THSD4: variants seen among roughly 807,000 people sequenced by gnomAD.
THSD4 encodes the protein thrombospondin type 1 domain containing 4.
THSD4 carries 69 observed loss-of-function variants against 119.0 expected under a neutral mutation model. The observed-to-expected ratio is 0.58, with a 90% confidence interval of 0.48 to 0.71. The LOEUF (loss-of-function observed/expected upper bound fraction) is 0.71, where lower values mean the gene tolerates loss of function less well. Ranked by LOEUF, THSD4 falls within the 30% of genes least tolerant of loss-of-function variation. THSD4 has a pLI of 0.00. For synonymous variants in THSD4, 524 were observed against 540.4 expected, an observed-to-expected ratio of 0.97 and a Z score of 0.42; for missense variants, 1,393 against 1,391.1, an observed-to-expected ratio of 1.00 and a Z score of -0.02.
intron 3 of THSD4, among the ~76,000 whole-genome samples, chr15:71,204,243 C>T (rs1354243898): frequency 2.6e-5 from 4 of 152,166 alleles, no homozygotes; most frequent in Non-Finnish European, 4.4e-5. Context: ...ATGAAAGAGT[C>T]AGGTCAATTT....
chr15:71,199,096 A>C (rs1269612139), intron 3 of THSD4, among the ~76,000 whole-genome samples: 2 of 152,036 alleles, frequency 1.3e-5, no homozygotes, highest in Non-Finnish European at 2.9e-5. Context: ...GCCTCCCTGG[A>C]CTCTGCATGG....
At chr15:71,567,035 T>G (rs1301188227) in intron 7 of THSD4, among the ~76,000 whole-genome samples, 1 of 152,132 alleles carries the variant, frequency 6.6e-6, no homozygotes, top group African/African-American at 2.4e-5. Context: ...GATAGAGTAA[T>G]TGGCCCAACT....
In THSD4 at chr15:71,368,958, T is replaced by C. The variant is rs531772652; in HGVS notation, c.1016-42729T>C. Among the ~76,000 whole-genome samples the C allele has an allele frequency of 5.8e-3, 876 of 152,258 alleles. 6 individuals carry two copies. Among genetic ancestry groups the C allele is most frequent in the African/African-American group, 0.01 (432 of 41,566 alleles). The stretch of plus-strand genomic sequence containing the variant: ...CATTTGTTTGTGTCCTCTTTTATTT[T>C]GTTGAGCAGTGGTTTGTAGTTCTCC... On this transcript the variant is annotated intron_variant, in intron 6 of 17. Coordinates refer to ENST00000261862, the MANE Select transcript of THSD4 (RefSeq NM_024817.3).
chr15:71,425,966 T>C (rs1475537285), intron 7 of THSD4, among the ~76,000 whole-genome samples: 1 of 152,204 alleles, frequency 6.6e-6, no homozygotes, highest in Admixed American at 6.5e-5. Context: ...TTGCTTACTC[T>C]GAATTTCTCG....
intron 7 of THSD4, among the ~76,000 whole-genome samples, chr15:71,531,769 CT>C (rs530873144): frequency 9.4e-4 from 143 of 152,338 alleles, no homozygotes; most frequent in African/African-American, 3.3e-3. Flanking sequence ...TCAGTTATCA[CT>C]TAATTAGCTC....
intron 6 of THSD4, among the ~76,000 whole-genome samples, chr15:71,259,929 G>A (rs544178592): frequency 9.8e-5 from 15 of 152,286 alleles, no homozygotes; most frequent in African/African-American, 3.6e-4. Flanking sequence ...GGCTGGCTGT[G>A]GATAATAGCT....
chr15:71,195,745 G>T (rs534585252), intron 3 of THSD4, among the ~76,000 whole-genome samples: 4 of 152,158 alleles, frequency 2.6e-5, no homozygotes, highest in Non-Finnish European at 5.9e-5. Context: ...GGTGGATGGG[G>T]TTGGGGGAAA....
rs1250616649 is a variant in THSD4 at position 71,731,546 on chromosome 15, AC to A, written c.1630+330del. 35 of 281,222 alleles carry A rather than the reference AC, an allele frequency of 1.2e-4. No individual in the cohort carries two copies. The East Asian group carries it at 2.5e-3, about 20-fold the overall frequency. 17.4% of individuals were successfully genotyped at this position (281,222 alleles called of 1,614,324 possible). Reference sequence around the variant, plus strand: ...GTAATCCTAGCACTCTGGGAGGCCGACGCAGGTGGATCGCTTGGGCCCAGAG... The same window carrying A: ...GTAATCCTAGCACTCTGGGAGGCCGAGCAGGTGGATCGCTTGGGCCCAGAG... On this transcript the variant is annotated intron_variant, in intron 10 of 17. Transcript: ENST00000261862.
chr15:71,362,831 T>A (rs554768154), intron 6 of THSD4, among the ~76,000 whole-genome samples: 1 of 152,258 alleles, frequency 6.6e-6, no homozygotes, highest in African/African-American at 2.4e-5. Flanking sequence ...TTTATATTCT[T>A]CTCTATGTAT....
chr15:71,532,738 CA>C (rs2048633735), intron 7 of THSD4, among the ~76,000 whole-genome samples: 1 of 152,146 alleles, frequency 6.6e-6, no homozygotes, highest in Admixed American at 6.5e-5. Context: ...CATGCAAAGC[CA>C]TTTTCTTTCT....
intron 7 of THSD4, among the ~76,000 whole-genome samples, chr15:71,489,076 C>A (rs538972042): frequency 6.6e-6 from 1 of 152,242 alleles, no homozygotes; most frequent in Admixed American, 6.5e-5. Flanking sequence ...GGTACGTCTT[C>A]TAGAAATTTC....
chr15:71,258,779 C>T (rs1816593419), intron 6 of THSD4, among the ~76,000 whole-genome samples: 1 of 152,070 alleles, frequency 6.6e-6, no homozygotes, highest in Admixed American at 6.5e-5. Flanking sequence ...GAAATAGAGT[C>T]ATTGCAGATG....
Position 71,747,063 on chromosome 15 carries a change from G to A in THSD4, c.2241+21G>A, listed in dbSNP as rs374374339. 17 of 1,575,880 alleles carry A rather than the reference G, an allele frequency of 1.1e-5. No homozygotes were observed. In the South Asian group the frequency reaches 1.1e-4, roughly 11 times the overall value. On this transcript the variant is annotated intron_variant, in intron 13 of 17. Coordinates refer to ENST00000261862, the MANE Select transcript of THSD4 (RefSeq NM_024817.3). ...CCTCGGTACGCAGGCAGGGCAGCCC[G>A]CTCTGCAGCTCCCTCTCCAGCTCCC...
At chr15:71,312,377 G>A (rs2045123296) in intron 6 of THSD4, among the ~76,000 whole-genome samples, 2 of 152,012 alleles carry the variant, frequency 1.3e-5, no homozygotes, top group African/African-American at 4.8e-5. Context: ...GAGTTAAAAT[G>A]AGGCTGCCAG....
chr15:71,312,852 T>A (rs2045131512), intron 6 of THSD4, among the ~76,000 whole-genome samples: 1 of 152,100 alleles, frequency 6.6e-6, no homozygotes, highest in South Asian at 2.1e-4. Context: ...TTCAGGCCTC[T>A]CTTCTGATTG....
chr15:71,328,201 C>A (rs1321055153), intron 6 of THSD4, among the ~76,000 whole-genome samples: 1 of 152,104 alleles, frequency 6.6e-6, no homozygotes, highest in Non-Finnish European at 1.5e-5. Context: ...ATTTCTTTTT[C>A]TTTTGAGTCC....
chr15:71,406,643 GGTGTGTGTGTGTGTGTGTGTGTGTGT>G (rs56347233), intron 6 of THSD4, among the ~76,000 whole-genome samples: 11 of 126,264 alleles, frequency 8.7e-5, no homozygotes, highest in African/African-American at 2.4e-4. Flanking sequence ...AGGTTTGTTT[GGTGTGTGTGTGTGTGTGTGTGTGTGT>G]GTGTGTGTGT....
intron 6 of THSD4, among the ~76,000 whole-genome samples, chr15:71,304,269 G>C (rs1200591191): frequency 6.6e-6 from 1 of 152,032 alleles, no homozygotes; most frequent in Non-Finnish European, 1.5e-5. Context: ...AGGGCTGTCT[G>C]TGCTGCTCCT....
rs907310088 is a variant in THSD4, at chr15:71,115,864, C to G, written c.-80+166C>G. On this transcript the variant is annotated intron_variant, in intron 1 of 17. Transcript: ENST00000261862. The surrounding 1 kb of genome is among the most constrained non-coding windows in gnomAD (Gnocchi z 4.4). ...GCCGCGGGCTGCGCCGCTCCGGGCTCGGGGAGCCAGCGCGCGCCTGGTCCG... is the reference window on the plus strand; with the variant it reads ...GCCGCGGGCTGCGCCGCTCCGGGCTGGGGGAGCCAGCGCGCGCCTGGTCCG... 3.3e-5 allele frequency among the ~76,000 whole-genome samples: 5 copies of G among 151,722 alleles called. No individual in the cohort carries two copies. Among genetic ancestry groups the G allele is most frequent in the African/African-American group, 1.2e-4 (5 of 41,382 alleles).
Sources: gnomAD v4.1 joint callset for allele counts (sites outside exome capture counted in the v4.1 genomes callset) on GRCh38, gnomAD v4.1.1 for gene constraint, Gnocchi (gnomAD v3.1) non-coding constraint, MANE v1.5 for transcripts, NCBI Gene and HGNC (gene_info 2026-07-23, HGNC 2026-07-21) for gene names.